The following GPM6B variants were observed in gnomAD, a reference collection of about 807,000 sequenced individuals.
GPM6B encodes the protein glycoprotein M6B, also known as neuronal membrane glycoprotein M6-b.
GPM6B carries 4 observed loss-of-function variants against 27.2 expected under a neutral mutation model. The ratio of observed to expected loss-of-function variants is 0.15; its 90% CI spans 0.07 to 0.34. The LOEUF (loss-of-function observed/expected upper bound fraction) is 0.34, where lower values mean the gene tolerates loss of function less well. GPM6B is among the 10% of genes least tolerant of loss of function. The probability of loss-of-function intolerance (pLI) is 1.00; values close to 1 mark genes in which losing one functional copy is unlikely to be tolerated. For missense variants in GPM6B, 183 were observed against 261.9 expected (o/e 0.70, Z 2.08); for synonymous variants, 124 against 103.1 (o/e 1.20, Z -1.23).
At chrX:13,795,579 A>G (rs2048794800) in intron 2 of GPM6B, among the ~76,000 whole-genome samples, 2 of 111,723 alleles carry the variant, frequency 1.8e-5, no homozygotes, top group Admixed American at 9.5e-5. Flanking sequence ...GAGATTTGCA[A>G]AAATGTAAAA....
chrX:13,932,492 T>C (rs1603151510), intron 1 of GPM6B, among the ~76,000 whole-genome samples: 1 of 112,316 alleles, frequency 8.9e-6, no homozygotes, highest in South Asian at 3.7e-4. Flanking sequence ...GAACAGAGTC[T>C]TGTTTATTTT....
At chrX:13,865,542 C>A (rs112671881) in intron 1 of GPM6B, among the ~76,000 whole-genome samples, 665 of 14,595 alleles carry the variant, frequency 0.046, 43 homozygotes, top group African/African-American at 0.1. Context: ...TCCATCTCTT[C>A]AAAAAAAAAA....
chrX:13,821,689 C>T (rs1264471023), upstream of GPM6B, among the ~76,000 whole-genome samples: 7 of 111,564 alleles, frequency 6.3e-5, no homozygotes, highest in East Asian at 5.6e-4. Flanking sequence ...CTCCGCCTCC[C>T]GGGTTCAAGT....
chrX:13,899,454 G>GA (rs1314420978), intron 1 of GPM6B, among the ~76,000 whole-genome samples: 3 of 100,104 alleles, frequency 3.0e-5, no homozygotes, highest in Non-Finnish European at 6.1e-5. Flanking sequence ...AGGCAATTAG[G>GA]AAAAAAAATG....
intron 1 of GPM6B, among the ~76,000 whole-genome samples, chrX:13,858,737 CT>C (rs982011596): frequency 2.7e-5 from 3 of 111,946 alleles, no homozygotes; most frequent in South Asian, 3.7e-4. Context: ...CTGACCACCC[CT>C]ATCCCTACTA....
At chrX:13,840,731 C>T (rs1446144013) in intron 1 of GPM6B, among the ~76,000 whole-genome samples, 5 of 111,513 alleles carry the variant, frequency 4.5e-5, no homozygotes, top group Admixed American at 9.5e-5. Flanking sequence ...TGATTCCTCC[C>T]GGCTCCAAAC....
chrX:13,795,598 T>C (rs1179012675), intron 2 of GPM6B, among the ~76,000 whole-genome samples: 2 of 111,879 alleles, frequency 1.8e-5, no homozygotes, highest in African/African-American at 6.5e-5. Flanking sequence ...AACAGTCCTA[T>C]TCCTCACACT....
intron 1 of GPM6B, among the ~76,000 whole-genome samples, chrX:13,894,262 G>A (rs911669713): frequency 5.4e-5 from 6 of 111,640 alleles, no homozygotes; most frequent in Non-Finnish European, 1.1e-4. Flanking sequence ...CAGATCAAAC[G>A]GATGTGCATC....
At chrX:13,916,903 G>C (rs750532107) in intron 1 of GPM6B, among the ~76,000 whole-genome samples, 2 of 111,228 alleles carry the variant, frequency 1.8e-5, no homozygotes, top group Non-Finnish European at 3.8e-5. Flanking sequence ...ATTCATCACT[G>C]TGCCCATGAA....
At chrX:13,863,952 C>T (rs771145693) in intron 1 of GPM6B, among the ~76,000 whole-genome samples, 82 of 111,919 alleles carry the variant, frequency 7.3e-4, no homozygotes, top group Non-Finnish European at 3.6e-4. Flanking sequence ...TCAGTACTTT[C>T]GTGAAAGCAA....
intron 1 of GPM6B, among the ~76,000 whole-genome samples, chrX:13,846,617 A>G (rs2049649888): frequency 9.2e-6 from 1 of 108,649 alleles, no homozygotes. Flanking sequence ...CAGCCTCCCA[A>G]GTAGCTGGTA....
intron 1 of GPM6B, among the ~76,000 whole-genome samples, chrX:13,898,331 C>A (rs964086104): frequency 8.9e-6 from 1 of 112,222 alleles, no homozygotes; most frequent in Non-Finnish European, 1.9e-5. Context: ...GGGAACAAAT[C>A]GCTTCTGAGT....
At chrX:13,805,452 T>C (rs1004002010) in intron 2 of GPM6B, among the ~76,000 whole-genome samples, 1 of 112,315 alleles carries the variant, frequency 8.9e-6, no homozygotes, top group African/African-American at 3.2e-5. Flanking sequence ...GCAGAGACAC[T>C]CAGTGGTGGT....
intron 7 of GPM6B, chrX:13,773,301 G>C (rs72614512): frequency 6.8e-5 from 14 of 206,166 alleles, no homozygotes. Context: ...AATGAAATAC[G>C]AGAGGGTGCT....
chrX:13,905,740 T>C (rs1204586670), intron 1 of GPM6B, among the ~76,000 whole-genome samples: 1 of 111,884 alleles, frequency 8.9e-6, no homozygotes, highest in East Asian at 2.8e-4. Flanking sequence ...GTTCTACTGC[T>C]GCCTGCCTTC....
At chrX:13,822,307 T>C (rs934727994), upstream of GPM6B, among the ~76,000 whole-genome samples, 43 of 112,184 alleles carry the variant, frequency 3.8e-4, no homozygotes, top group African/African-American at 1.4e-3. Context: ...CAATTTTTCT[T>C]TTTTCTAAAT....
intron 1 of GPM6B, among the ~76,000 whole-genome samples, chrX:13,842,733 GA>G (rs200214254): frequency 1.8e-5 from 2 of 110,098 alleles, no homozygotes; most frequent in Non-Finnish European, 3.8e-5. Flanking sequence ...TTTTTTAAAA[GA>G]AAAAAAATTT....
chrX:13,780,976 CT>C, intron 4 of GPM6B: 2 of 318,967 alleles, frequency 6.3e-6, no homozygotes, highest in South Asian at 5.5e-5. Context: ...AAACGAGACA[CT>C]TTCCCTTGCA....
intron 1 of GPM6B, among the ~76,000 whole-genome samples, chrX:13,865,559 A>AAAAAG (rs34662549): frequency 2.5e-4 from 13 of 52,931 alleles, no homozygotes; most frequent in Admixed American, 2.4e-4. Context: ...AAAAAAAAAA[A>AAAAAG]AAAGAAAGAA....
Sources: gnomAD v4.1 joint callset for allele counts (sites outside exome capture counted in the v4.1 genomes callset) on GRCh38, gnomAD v4.1.1 for gene constraint, MANE v1.5 for transcripts, NCBI Gene and HGNC (gene_info 2026-07-23, HGNC 2026-07-21) for gene names.